The following EMSY variants were observed in gnomAD, a reference collection of about 807,000 sequenced individuals.
EMSY encodes the protein EMSY transcriptional repressor, BRCA2 interacting.
A neutral mutation model predicts 134.6 loss-of-function variants in EMSY; 26 were observed. The observed-to-expected ratio is 0.19, with a 90% CI of 0.14 to 0.27. The LOEUF is 0.27. Among genes scored for constraint, EMSY ranks in the 10% least tolerant of loss-of-function variants. The probability of loss-of-function intolerance (pLI) is 1.00; values close to 1 mark genes in which losing one functional copy is unlikely to be tolerated. For synonymous variants in EMSY, 579 were observed against 577.8 expected (o/e 1.00, Z -0.03); for missense variants, 1,305 against 1,611.4 (o/e 0.81, Z 3.26).
intron 7 of EMSY, among the ~76,000 whole-genome samples, chr11:76,471,657 A>G (rs1948572954): frequency 6.6e-6 from 1 of 152,034 alleles, no homozygotes; most frequent in Non-Finnish European, 1.5e-5. Flanking sequence ...TGTTCTTCTC[A>G]TGATTAGACT....
chr11:76,466,128 A>T (rs950857494), intron 7 of EMSY, among the ~76,000 whole-genome samples: 5 of 152,158 alleles, frequency 3.3e-5, no homozygotes, highest in African/African-American at 1.2e-4. Flanking sequence ...GATGTGCCTG[A>T]TGTCATTAGA....
chr11:76,547,339 C>CT (rs1236496076), intron 20 of EMSY, among the ~76,000 whole-genome samples: 1 of 152,088 alleles, frequency 6.6e-6, no homozygotes, highest in Non-Finnish European at 1.5e-5. Context: ...AGAGGAAGTG[C>CT]TTAAAGGCAA....
chr11:76,493,074 C>T (rs528986491), intron 8 of EMSY, among the ~76,000 whole-genome samples: 2 of 152,310 alleles, frequency 1.3e-5, no homozygotes, highest in South Asian at 4.1e-4. Context: ...CCCCCCTTCC[C>T]TTGCAGTCTC....
chr11:76,530,367 G>T (rs966173909), intron 14 of EMSY, among the ~76,000 whole-genome samples: 3 of 151,944 alleles, frequency 2.0e-5, no homozygotes, highest in Admixed American at 6.6e-5. Flanking sequence ...CATCATGTTG[G>T]CCAGGCTGGT....
At chr11:76,524,008 C>A (rs1950752527) in intron 12 of EMSY, among the ~76,000 whole-genome samples, 1 of 152,002 alleles carries the variant, frequency 6.6e-6, no homozygotes, top group Non-Finnish European at 1.5e-5. Flanking sequence ...CATGATCATG[C>A]CACTGCACTC....
At chr11:76,539,322 A>G (rs1374165161) in intron 16 of EMSY, among the ~76,000 whole-genome samples, 1 of 152,196 alleles carries the variant, frequency 6.6e-6, no homozygotes, top group Non-Finnish European at 1.5e-5. Context: ...ACTTACAGAT[A>G]TTTGAAGGAC....
chr11:76,502,965 A>G (rs79981895), intron 9 of EMSY, among the ~76,000 whole-genome samples: 2,549 of 152,250 alleles, frequency 0.017, 47 homozygotes, highest in East Asian at 0.093. Context: ...TTTGATAGCC[A>G]TATGGTTAGC....
At chr11:76,538,260 G>A (rs889906014) in intron 16 of EMSY, among the ~76,000 whole-genome samples, 1 of 149,106 alleles carries the variant, frequency 6.7e-6, no homozygotes, top group Non-Finnish European at 1.5e-5. Context: ...TTTGTTTTTT[G>A]TTTGTTTGTT....
chr11:76,471,418 A>G (rs556665608), intron 7 of EMSY, among the ~76,000 whole-genome samples: 2 of 152,284 alleles, frequency 1.3e-5, no homozygotes, highest in South Asian at 4.1e-4. Context: ...TTAATGCATT[A>G]ATGTTAATTA....
intron 6 of EMSY, among the ~76,000 whole-genome samples, chr11:76,463,359 C>T (rs1332114878): frequency 6.6e-6 from 1 of 150,512 alleles, no homozygotes; most frequent in East Asian, 2.0e-4. Flanking sequence ...CGCGGTGGCT[C>T]ACGCCTGTAA....
rs754058859 is a variant in EMSY, at chr11:76,472,618, A to G, written c.886A>G (p.Lys296Glu). ...AACCTTCGTGCCCAACATTCTCTCC[A>G]AATCCCATAACTATGCAGCAGTCAC... Residue 296 changes from lysine (K) to glutamate (E), a missense_variant, in exon 8 of 21, where the codon AAA becomes GAA. By Grantham distance (56) the Lys-to-Glu change is moderately conservative. This residue lies in a region of EMSY where 205 missense variants were observed against 268.6 expected (regional missense o/e 0.76). Coordinates refer to ENST00000334736, the Ensembl canonical transcript of EMSY. The G allele has an allele frequency of 2.5e-6, 4 of 1,614,016 alleles. No homozygotes were observed. The Admixed American group carries it at 6.7e-5, about 27-fold the overall frequency.
chr11:76,478,707 A>G (rs956574545), intron 8 of EMSY, among the ~76,000 whole-genome samples: 7 of 151,730 alleles, frequency 4.6e-5, no homozygotes, highest in African/African-American at 7.3e-5. Context: ...TGCTTTCTTC[A>G]TATATCGTTG....
At chr11:76,464,627 G>T (rs1036197966) in intron 7 of EMSY, among the ~76,000 whole-genome samples, 3 of 152,140 alleles carry the variant, frequency 2.0e-5, no homozygotes, top group Non-Finnish European at 4.4e-5. Context: ...TTCCCACACT[G>T]ATCTGGATGG....
At position 76,506,974 on chromosome 11, in the gene EMSY, C is replaced by T. The variant is rs941055550; in HGVS notation, c.1364-6412C>T. On this transcript the variant is annotated intron_variant, in intron 9 of 20. Coordinates refer to ENST00000334736, the Ensembl canonical transcript of EMSY. ...TTCATTACATAAATTACGATTCTGG[C>T]GTACTTTATAGAGTTTACAGGTTCA... 7.2e-5 allele frequency among the ~76,000 whole-genome samples: 11 copies of T among 152,058 alleles called. No individual in the cohort carries two copies. In the East Asian group the frequency reaches 1.5e-3, roughly 21 times the overall value.
At chr11:76,490,917 G>A (rs1949394812) in intron 8 of EMSY, among the ~76,000 whole-genome samples, 1 of 151,892 alleles carries the variant, frequency 6.6e-6, no homozygotes, top group Non-Finnish European at 1.5e-5. Context: ...TATATTAAAA[G>A]CTGAGTTCAT....
intron 8 of EMSY, among the ~76,000 whole-genome samples, chr11:76,494,654 CCTT>C (rs1949557822): frequency 0.018 from 37 of 2,102 alleles, 1 homozygote; most frequent in East Asian, 0.075. Context: ...CCTTTCCCTT[CCTT>C]CCTTCCTTCC....
At chr11:76,484,315 A>G (rs1949095347) in intron 8 of EMSY, among the ~76,000 whole-genome samples, 1 of 152,242 alleles carries the variant, frequency 6.6e-6, no homozygotes, top group African/African-American at 2.4e-5. Flanking sequence ...TCTAAAATTG[A>G]CACCCTAACA....
chr11:76,461,817 A>G (rs1034180822), intron 6 of EMSY, among the ~76,000 whole-genome samples: 1 of 152,128 alleles, frequency 6.6e-6, no homozygotes, highest in Non-Finnish European at 1.5e-5. Flanking sequence ...CTGTAATCCG[A>G]GCTATTTGGG....
intron 8 of EMSY, among the ~76,000 whole-genome samples, chr11:76,491,685 C>A (rs1007088069): frequency 6.6e-6 from 1 of 152,232 alleles, no homozygotes; most frequent in Non-Finnish European, 1.5e-5. Context: ...TAGCTCACAC[C>A]GTGGAAGCCC....
Sources: allele counts gnomAD v4.1 joint callset (sites outside exome capture counted in the v4.1 genomes callset), GRCh38; gene constraint gnomAD v4.1.1; regional missense constraint gnomAD v4.1.1; transcripts MANE v1.5; gene names NCBI Gene and HGNC (gene_info 2026-07-23, HGNC 2026-07-21).